SLC37A3: variants seen among roughly 807,000 people sequenced by gnomAD.
The protein encoded by SLC37A3 is solute carrier family 37 member 3.
In SLC37A3, 51 loss-of-function variants were observed where a neutral mutation model predicts 67.1. The ratio of observed to expected loss-of-function variants is 0.76; its 90% confidence interval spans 0.61 to 0.96. The LOEUF (loss-of-function observed/expected upper bound fraction) is 0.96. SLC37A3 is among the 40% of genes least tolerant of loss of function. The pLI is 0.00. For missense variants in SLC37A3, 508 were observed against 603.0 expected (o/e 0.84, Z 1.65); for synonymous variants, 214 against 231.4 (o/e 0.92, Z 0.68).
chr7:140,370,120 AAAAAG>A (rs766662182), intron 3 of SLC37A3, among the ~76,000 whole-genome samples: 3 of 149,412 alleles, frequency 2.0e-5, no homozygotes, highest in African/African-American at 2.5e-5. Flanking sequence ...CAAAAAAACA[AAAAAG>A]AAAAGAAAAG....
intron 3 of SLC37A3, among the ~76,000 whole-genome samples, chr7:140,373,980 C>T (rs1797924052): frequency 6.6e-6 from 1 of 152,054 alleles, no homozygotes; most frequent in African/African-American, 2.4e-5. Context: ...TACTTATTGG[C>T]TTATTTAATT....
At chr7:140,367,230 A>C (rs1210001635) in intron 4 of SLC37A3, among the ~76,000 whole-genome samples, 1 of 152,106 alleles carries the variant, frequency 6.6e-6, no homozygotes, top group Admixed American at 6.6e-5. Context: ...TGAGGACAGG[A>C]GTTTGAGACC....
intron 12 of SLC37A3, 170 bp from the exon 13 acceptor site, chr7:140,343,733 G>A (rs756249785): frequency 7.9e-5 from 51 of 643,176 alleles, no homozygotes; most frequent in African/African-American, 6.5e-4. Context: ...TAACATCCAC[G>A]TTCCTGAAAT....
intron 1 of SLC37A3, among the ~76,000 whole-genome samples, chr7:140,389,952 G>T (rs924655246): frequency 6.6e-6 from 1 of 152,042 alleles, no homozygotes; most frequent in African/African-American, 2.4e-5. Context: ...TCGCCAGATG[G>T]GGTGGCATGC....
intron 1 of SLC37A3, among the ~76,000 whole-genome samples, chr7:140,387,843 A>ATAAATATAT (rs1798559514): frequency 2.8e-4 from 13 of 46,810 alleles, no homozygotes; most frequent in South Asian, 8.5e-4. Flanking sequence ...ATATATAAAC[A>ATAAATATAT]TATATATATT....
chr7:140,350,966 C>T (rs576403494), intron 9 of SLC37A3, among the ~76,000 whole-genome samples: 1 of 152,132 alleles, frequency 6.6e-6, no homozygotes, highest in African/African-American at 2.4e-5. Context: ...AGTCTGGCCA[C>T]GTCTAACTGT....
At chr7:140,345,782 C>T in intron 11 of SLC37A3, 87 bp downstream of exon 11, 1 of 1,053,898 alleles carries the variant, frequency 9.5e-7, no homozygotes, top group Non-Finnish European at 1.5e-6. Context: ...AGGCTCTCCC[C>T]AGCACTGGTC....
intron 3 of SLC37A3, among the ~76,000 whole-genome samples, chr7:140,371,821 G>A (rs373530308): frequency 6.6e-6 from 1 of 152,052 alleles, no homozygotes; most frequent in Non-Finnish European, 1.5e-5. Flanking sequence ...TCTAGGGCCA[G>A]CAGTGGAAAA....
intron 6 of SLC37A3, among the ~76,000 whole-genome samples, chr7:140,357,564 GAAA>G (rs146188700): frequency 6.7e-5 from 8 of 118,638 alleles, no homozygotes; most frequent in Admixed American, 9.2e-5. Flanking sequence ...TTCTCTACAG[GAAA>G]AAAAAAAAAA....
intron 3 of SLC37A3, among the ~76,000 whole-genome samples, chr7:140,378,778 T>C (rs59688702): frequency 6.6e-6 from 1 of 150,752 alleles, no homozygotes; most frequent in Non-Finnish European, 1.5e-5. Context: ...CCGGGCGCAG[T>C]GGCCCACGCC....
At chr7:140,397,517 T>C (rs908282847) in intron 1 of SLC37A3, among the ~76,000 whole-genome samples, 2 of 152,074 alleles carry the variant, frequency 1.3e-5, no homozygotes, top group Non-Finnish European at 2.9e-5. Context: ...CCTCATGTAT[T>C]AATTAAATGA....
At chr7:140,343,302 A>G (rs1261394924) in intron 13 of SLC37A3, 110 bp downstream of exon 13, 1 of 1,473,822 alleles carries the variant, frequency 6.8e-7, no homozygotes, top group South Asian at 1.2e-5. Flanking sequence ...CTCTGGGAAC[A>G]GCGTTCTACA....
At chr7:140,348,414 T>C (rs555682228) in intron 10 of SLC37A3, 7 of 484,660 alleles carry the variant, frequency 1.4e-5, no homozygotes, top group African/African-American at 1.0e-4. Context: ...TGCCTTAGGC[T>C]AGGTCTTCCT....
chr7:140,380,336 G>C lies in SLC37A3; in HGVS notation c.144C>G (p.Ile48Met). Residue 48 changes from isoleucine (I) to methionine (M), a missense_variant, in exon 3 of 15, where the codon ATC (isoleucine) becomes ATG (methionine). Transcript: ENST00000326232. ...AAGCACTTGGGGTCCACTGCTCAGA[G>C]ATACTGACTTTGACATTGCTAAATG... ...RKTFSNVKVS[I>M]SEQWTPSAFN... 2.5e-6 allele frequency: 4 copies of C among 1,613,648 alleles called. No individual in the cohort carries two copies. Among genetic ancestry groups the C allele is most frequent in the Non-Finnish European group, 3.4e-6 (4 of 1,179,652 alleles).
At chr7:140,364,639 C>A in intron 4 of SLC37A3, 148 bp from the exon 5 acceptor site, 2 of 667,414 alleles carry the variant, frequency 3.0e-6, no homozygotes, top group Non-Finnish European at 4.8e-6. Context: ...ACAGGAGTTT[C>A]ACAAATGTTT....
chr7:140,385,821 T>C (rs1345721591), intron 1 of SLC37A3, among the ~76,000 whole-genome samples: 1 of 152,184 alleles, frequency 6.6e-6, no homozygotes, highest in East Asian at 1.9e-4. Flanking sequence ...CTGGCTCTGT[T>C]GCCCAGGCTG....
intron 1 of SLC37A3, among the ~76,000 whole-genome samples, chr7:140,385,165 T>C (rs988947536): frequency 6.6e-6 from 1 of 152,238 alleles, no homozygotes; most frequent in Non-Finnish European, 1.5e-5. Context: ...GTATGTGACA[T>C]ATTCAGATAA....
At chr7:140,367,537 C>T (rs960016909) in intron 4 of SLC37A3, among the ~76,000 whole-genome samples, 3 of 152,142 alleles carry the variant, frequency 2.0e-5, no homozygotes, top group Non-Finnish European at 4.4e-5. Flanking sequence ...TTTCACATTG[C>T]CTGGACATTG....
intron 7 of SLC37A3, among the ~76,000 whole-genome samples, chr7:140,354,148 G>A (rs1057048434): frequency 2.6e-5 from 4 of 152,216 alleles, no homozygotes; most frequent in African/African-American, 9.6e-5. Context: ...GCTGACAGTT[G>A]TGTTCACTCT....
Sources: gnomAD v4.1 joint callset for allele counts (sites outside exome capture counted in the v4.1 genomes callset) on GRCh38, gnomAD v4.1.1 for gene constraint, MANE v1.5 for transcripts, NCBI Gene and HGNC (gene_info 2026-07-23, HGNC 2026-07-21) for gene names.